Variants in STK3 observed in about 807,000 individuals in gnomAD.
The protein encoded by STK3 is serine/threonine-protein kinase 3.
STK3 carries 41 observed loss-of-function variants against 58.0 expected under a neutral mutation model. The observed-to-expected ratio is 0.71, with a 90% CI of 0.55 to 0.92. The LOEUF (loss-of-function observed/expected upper bound fraction) is 0.92, where lower values mean the gene tolerates loss of function less well. Among genes scored for constraint, STK3 ranks in the 40% least tolerant of loss-of-function variants. The pLI, the probability that STK3 is intolerant of heterozygous loss-of-function variation, is 0.00. For missense variants in STK3, 479 were observed against 602.7 expected, an observed-to-expected ratio of 0.79 and a Z score of 2.15; for synonymous variants, 170 against 191.0, an observed-to-expected ratio of 0.89 and a Z score of 0.91.
the STK3 span, among the ~76,000 whole-genome samples, chr8:98,366,128 A>G: frequency 6.6e-6 from 1 of 152,128 alleles, no homozygotes; most frequent in Non-Finnish European, 1.5e-5. Flanking sequence ...CTGTTTCCCT[A>G]TATTTTCACC....
At chr8:98,461,810 C>T (rs1020227875) in intron 10 of STK3, among the ~76,000 whole-genome samples, 2 of 152,160 alleles carry the variant, frequency 1.3e-5, no homozygotes, top group African/African-American at 2.4e-5. Flanking sequence ...AGATAGGACC[C>T]CAGTCCCTTC....
intron 2 of STK3, among the ~76,000 whole-genome samples, chr8:98,378,614 A>C (rs1356472365): frequency 6.6e-6 from 1 of 152,232 alleles, no homozygotes; most frequent in African/African-American, 2.4e-5. Flanking sequence ...CACAGTGTGA[A>C]TACGTGTGAA....
intron 3 of STK3, among the ~76,000 whole-genome samples, chr8:98,762,315 GCA>G (rs1172320493): frequency 6.6e-6 from 1 of 152,122 alleles, no homozygotes; most frequent in African/African-American, 2.4e-5. Flanking sequence ...GAGTGCAATG[GCA>G]CAGTCTTGGC....
At chr8:98,888,465 A>C (rs1190845966) in intron 1 of STK3, among the ~76,000 whole-genome samples, 1 of 152,202 alleles carries the variant, frequency 6.6e-6, no homozygotes, top group Non-Finnish European at 1.5e-5. Flanking sequence ...AACCTGATTT[A>C]TAGGGCCAAG....
intron 6 of STK3, among the ~76,000 whole-genome samples, chr8:98,666,357 A>G (rs1269516439): frequency 6.6e-6 from 1 of 152,174 alleles, no homozygotes; most frequent in African/African-American, 2.4e-5. Context: ...CTACTGTAAG[A>G]AAAAGTAACC....
intron 3 of STK3, chr8:98,413,763 G>A (rs1818083279): frequency 2.9e-6 from 2 of 689,846 alleles, no homozygotes; most frequent in African/African-American, 1.8e-5. Flanking sequence ...GACCCCATGA[G>A]AGGAAGCCCA....
chr8:98,374,700 T>C (rs1817654670), intron 2 of STK3, among the ~76,000 whole-genome samples: 1 of 152,222 alleles, frequency 6.6e-6, no homozygotes, highest in African/African-American at 2.4e-5. Flanking sequence ...TCCTAGAATT[T>C]AGCTCTCTAC....
intron 10 of STK3, among the ~76,000 whole-genome samples, chr8:98,501,883 T>A (rs1475097289): frequency 6.6e-6 from 1 of 152,260 alleles, no homozygotes; most frequent in Non-Finnish European, 1.5e-5. Context: ...GTATTGCCTA[T>A]GCAGGCTTTT....
At chr8:98,806,568 C>G (rs1329125381) in intron 1 of STK3, among the ~76,000 whole-genome samples, 2 of 152,068 alleles carry the variant, frequency 1.3e-5, no homozygotes, top group African/African-American at 2.4e-5. Context: ...AGTCATTATT[C>G]CAAGTGACTC....
intron 6 of STK3, among the ~76,000 whole-genome samples, chr8:98,676,340 T>TGGGGC (rs1587262547): frequency 2.0e-5 from 3 of 152,118 alleles, no homozygotes; most frequent in Admixed American, 6.5e-5. Context: ...AACAGTTAAA[T>TGGGGC]GGGGCGGGGC....
the STK3 span, among the ~76,000 whole-genome samples, chr8:98,356,782 C>T: frequency 1.3e-5 from 2 of 152,258 alleles, no homozygotes; most frequent in African/African-American, 4.8e-5. Flanking sequence ...TACTTTCAAC[C>T]CCACAGCTGG....
rs190726079 is a variant in STK3, at chr8:98,761,809, G to C, written c.236+5434C>G. Reference sequence around the variant, plus strand: ...AATAATCCTCCAACATGGTGATTTTGAAACTTTTGATTTTTTATTTATTTA... The same window carrying C: ...AATAATCCTCCAACATGGTGATTTTCAAACTTTTGATTTTTTATTTATTTA... On this transcript the variant is annotated intron_variant, in intron 3 of 10. Transcript: ENST00000419617. 8.6e-3 allele frequency among the ~76,000 whole-genome samples: 1,304 copies of C among 152,196 alleles called. 10 individuals carry two copies. Among genetic ancestry groups the C allele is most frequent in the African/African-American group, 0.03 (1,228 of 41,510 alleles).
intron 1 of STK3, among the ~76,000 whole-genome samples, chr8:98,940,701 A>C (rs760839711): frequency 1.5e-4 from 23 of 152,078 alleles, no homozygotes; most frequent in Non-Finnish European, 2.8e-4. Flanking sequence ...CGGCCTTGGA[A>C]TCTGCGCCGC....
intron 3 of STK3, among the ~76,000 whole-genome samples, chr8:98,868,395 G>A (rs1012091705): frequency 2.6e-5 from 4 of 152,136 alleles, no homozygotes; most frequent in Non-Finnish European, 5.9e-5. Flanking sequence ...CACTCAGGGA[G>A]TTAAACCCTC....
At chr8:98,888,913 A>G (rs1350248640) in intron 1 of STK3, among the ~76,000 whole-genome samples, 1 of 152,176 alleles carries the variant, frequency 6.6e-6, no homozygotes, top group Non-Finnish European at 1.5e-5. Context: ...ACTTAAACAC[A>G]TGAACCAATT....
intron 10 of STK3, among the ~76,000 whole-genome samples, chr8:98,490,862 T>C (rs576301858): frequency 1.3e-5 from 2 of 152,294 alleles, no homozygotes; most frequent in African/African-American, 4.8e-5. Flanking sequence ...AGTATTTTTA[T>C]CACTCCCGGA....
At chr8:98,693,979 C>CT (rs1014377969) in intron 6 of STK3, among the ~76,000 whole-genome samples, 37 of 152,060 alleles carry the variant, frequency 2.4e-4, no homozygotes, top group African/African-American at 8.2e-4. Context: ...TTTTTTGTCT[C>CT]TTTTTTTAAA....
chr8:98,813,839 T>C (rs944213989), intron 1 of STK3, among the ~76,000 whole-genome samples: 2 of 152,154 alleles, frequency 1.3e-5, no homozygotes, highest in Non-Finnish European at 2.9e-5. Flanking sequence ...TATAGACAAA[T>C]TTGAAAATGC....
intron 10 of STK3, among the ~76,000 whole-genome samples, chr8:98,502,906 T>C (rs1823732464): frequency 6.6e-6 from 1 of 152,226 alleles, no homozygotes; most frequent in Admixed American, 6.5e-5. Context: ...ATCAGGATGA[T>C]GCTGGCCTCA....
Sources: allele counts gnomAD v4.1 joint callset (sites outside exome capture counted in the v4.1 genomes callset), GRCh38; gene constraint gnomAD v4.1.1; transcripts MANE v1.5; gene names NCBI Gene and HGNC (gene_info 2026-07-23, HGNC 2026-07-21).